ATRN: variants seen among roughly 807,000 people sequenced by gnomAD.
ATRN encodes the protein attractin-2.
In ATRN, 54 loss-of-function variants were observed where a neutral mutation model predicts 178.7. The observed-to-expected ratio is 0.30, with a 90% CI of 0.24 to 0.38. The LOEUF (loss-of-function observed/expected upper bound fraction) is 0.38. Among genes scored for constraint, ATRN ranks in the 10% least tolerant of loss-of-function variants. The pLI is 1.00. For synonymous variants in ATRN, 636 were observed against 663.0 expected (o/e 0.96, Z 0.63); for missense variants, 1,443 against 1,815.1 (o/e 0.79, Z 3.73).
intron 1 of ATRN, among the ~76,000 whole-genome samples, chr20:3,475,461 A>AATGACTGATTT (rs1312927355): frequency 1.4e-3 from 207 of 152,324 alleles, no homozygotes; most frequent in African/African-American, 4.8e-3. Flanking sequence ...ATGACATAGA[A>AATGACTGATTT]ATGACTGATT....
intron 4 of ATRN, among the ~76,000 whole-genome samples, chr20:3,546,883 A>T (rs1423516054): frequency 6.6e-6 from 1 of 152,164 alleles, no homozygotes; most frequent in Non-Finnish European, 1.5e-5. Context: ...AGTTTGTTTT[A>T]TTCTTTTCCT....
At chr20:3,484,285 A>G (rs1030426843) in intron 1 of ATRN, among the ~76,000 whole-genome samples, 1 of 151,224 alleles carries the variant, frequency 6.6e-6, no homozygotes, top group Non-Finnish European at 1.5e-5. Flanking sequence ...CAAAACCCAC[A>G]TGTAGTAAAT....
rs957805605 is a variant in ATRN at position 3,638,531 on chromosome 20, T to C, written c.3943-297T>C. Among the ~76,000 whole-genome samples, 9 of 152,228 alleles carry C rather than the reference T, an allele frequency of 5.9e-5. No homozygotes were observed. The highest frequency in any genetic ancestry group is 2.2e-4 in the African/African-American group (9 of 41,452). On this transcript the variant is annotated intron_variant, in intron 26 of 28. Coordinates refer to ENST00000262919, the MANE Select transcript of ATRN (RefSeq NM_139321.3). The surrounding 1 kb of genome is among the most constrained non-coding windows in gnomAD (Gnocchi z 4.5). ...CATGTTTTCTTTATCCAGTCTATCA[T>C]TGATGGGCATTTGGGTTGGTTCTAA...
chr20:3,486,585 G>C (rs1275683669), intron 1 of ATRN, among the ~76,000 whole-genome samples: 1 of 151,732 alleles, frequency 6.6e-6, no homozygotes, highest in African/African-American at 2.4e-5. Context: ...GTAGATATGG[G>C]GTTTCACTGT....
At chr20:3,498,582 C>T (rs2084912818) in intron 1 of ATRN, among the ~76,000 whole-genome samples, 1 of 151,978 alleles carries the variant, frequency 6.6e-6, no homozygotes, top group Non-Finnish European at 1.5e-5. Context: ...AGACAAAAAC[C>T]ACATGATTAT....
chr20:3,597,266 A>G (rs2086544804), intron 21 of ATRN, among the ~76,000 whole-genome samples: 1 of 152,084 alleles, frequency 6.6e-6, no homozygotes, highest in Admixed American at 6.5e-5. Flanking sequence ...GCACATCATC[A>G]TATATTTGAT....
chr20:3,480,704 C>G (rs2084607251), intron 1 of ATRN, among the ~76,000 whole-genome samples: 1 of 152,118 alleles, frequency 6.6e-6, no homozygotes, highest in Admixed American at 6.5e-5. Context: ...CCAAGATGGG[C>G]AGATGCTTTT....
chr20:3,491,229 C>G (rs1000467060), intron 1 of ATRN, among the ~76,000 whole-genome samples: 1 of 152,138 alleles, frequency 6.6e-6, no homozygotes, highest in African/African-American at 2.4e-5. Context: ...CATTTTACAA[C>G]AAAACTCCTG....
intron 1 of ATRN, among the ~76,000 whole-genome samples, chr20:3,474,776 G>A (rs980056764): frequency 2.0e-5 from 3 of 152,080 alleles, no homozygotes; most frequent in Non-Finnish European, 2.9e-5. Context: ...ACTCACGCCT[G>A]TAATCCCAGC....
intron 1 of ATRN, among the ~76,000 whole-genome samples, chr20:3,525,455 G>C (rs1057082142): frequency 6.6e-6 from 1 of 152,122 alleles, no homozygotes; most frequent in African/African-American, 2.4e-5. Flanking sequence ...ATTCACAGCC[G>C]AATTCTACCA....
Position 3,646,801 on chromosome 20 carries a change from G to A in ATRN, c.4244G>A (p.Arg1415Lys). 1 of 1,612,548 alleles carries A rather than the reference G, an allele frequency of 6.2e-7. No homozygotes were observed. The change falls in exon 29 of 29, where the codon AGA becomes AAA. Residue 1415 changes from arginine (R) to lysine (K), a missense_variant. Physicochemically the swap from Arg to Lys is conservative, Grantham distance 26 (BLOSUM62 2). Coordinates refer to ENST00000262919, the MANE Select transcript of ATRN (RefSeq NM_139321.3). ...TACAAGGAGAAGTCAGGAGCCGTGA[G>A]AAACCGGAAGCAGCAGCCCCCTGCA... ...IVYKEKSGAVRNRKQQPPAQP... is the reference protein window; with the variant it reads ...IVYKEKSGAVKNRKQQPPAQP...
At chr20:3,589,580 G>T (rs760022164) in intron 18 of ATRN, among the ~76,000 whole-genome samples, 3 of 152,090 alleles carry the variant, frequency 2.0e-5, no homozygotes, top group Non-Finnish European at 2.9e-5. Context: ...GTTTATCCTG[G>T]TGGTATTCGG....
At chr20:3,512,501 C>G (rs973590509) in intron 1 of ATRN, among the ~76,000 whole-genome samples, 1 of 152,076 alleles carries the variant, frequency 6.6e-6, no homozygotes, top group Non-Finnish European at 1.5e-5. Flanking sequence ...TTAATCCAGT[C>G]TATCATTGTT....
intron 1 of ATRN, among the ~76,000 whole-genome samples, chr20:3,514,180 A>G (rs2085175497): frequency 6.6e-6 from 1 of 152,182 alleles, no homozygotes; most frequent in Non-Finnish European, 1.5e-5. Context: ...ATTATTAATG[A>G]CTATTCCAAT....
intron 25 of ATRN, chr20:3,629,168 G>T (rs946059509): frequency 1.0e-6 from 1 of 985,090 alleles, no homozygotes; most frequent in African/African-American, 1.8e-5. Flanking sequence ...TCACAGTCTC[G>T]CCTGGACCTT....
At chr20:3,543,895 ATGG>A (rs2085660997) in intron 3 of ATRN, among the ~76,000 whole-genome samples, 1 of 152,024 alleles carries the variant, frequency 6.6e-6, no homozygotes, top group Non-Finnish European at 1.5e-5. Context: ...TTAACCAGCC[ATGG>A]TGGTGTGTGC....
At chr20:3,483,617 G>A (rs2084651698) in intron 1 of ATRN, among the ~76,000 whole-genome samples, 1 of 152,130 alleles carries the variant, frequency 6.6e-6, no homozygotes, top group Non-Finnish European at 1.5e-5. Flanking sequence ...AGAGTGCTGG[G>A]ATTGCAGGTG....
chr20:3,565,476 G>C, intron 11 of ATRN, 44 bp downstream of exon 11: 1 of 1,545,358 alleles, frequency 6.5e-7, no homozygotes, highest in Admixed American at 1.7e-5. Flanking sequence ...TGTTTAAAAT[G>C]AAAATAAAGG....
chr20:3,519,478 G>A (rs887427167), intron 1 of ATRN, among the ~76,000 whole-genome samples: 1 of 152,190 alleles, frequency 6.6e-6, no homozygotes, highest in Admixed American at 6.5e-5. Context: ...GAGGGGCAGT[G>A]CAAGAAATTT....
Sources: gnomAD v4.1 joint callset for allele counts (sites outside exome capture counted in the v4.1 genomes callset) on GRCh38, gnomAD v4.1.1 for gene constraint, Gnocchi (gnomAD v3.1) non-coding constraint, MANE v1.5 for transcripts, NCBI Gene and HGNC (gene_info 2026-07-23, HGNC 2026-07-21) for gene names.